Variants in KIF18A observed in about 807,000 individuals in gnomAD.
KIF18A encodes the protein kinesin family member 18A.
Under a neutral mutation model 103.3 loss-of-function variants are expected in KIF18A, and 67 were observed. That is an observed-to-expected ratio of 0.65 (90% CI 0.53 to 0.79). The LOEUF is 0.79. Ranked by LOEUF, KIF18A falls within the 30% of genes least tolerant of loss-of-function variation. KIF18A has a pLI of 0.00. For missense variants in KIF18A, 1,032 were observed against 1,062.5 expected (o/e 0.97, Z 0.40); for synonymous variants, 367 against 355.5 (o/e 1.03, Z -0.36).
chr11:28,046,433 A>G (rs952411598), intron 13 of KIF18A, among the ~76,000 whole-genome samples: 1 of 147,884 alleles, frequency 6.8e-6, no homozygotes, highest in African/African-American at 2.5e-5. Context: ...ATTCTCAGTA[A>G]ACTATTGCAA....
chr11:28,104,510 C>G (rs960306493), intron 1 of KIF18A, among the ~76,000 whole-genome samples: 1 of 152,178 alleles, frequency 6.6e-6, no homozygotes, highest in African/African-American at 2.4e-5. Context: ...CTTCATTATT[C>G]AGGTCTCTTC....
At chr11:28,073,511 A>G (rs1851050280) in intron 10 of KIF18A, among the ~76,000 whole-genome samples, 2 of 152,146 alleles carry the variant, frequency 1.3e-5, no homozygotes, top group Admixed American at 6.6e-5. Context: ...CTGGGGTTTA[A>G]TATTGGTTCA....
chr11:28,093,209 G>A (rs947276511), intron 3 of KIF18A, among the ~76,000 whole-genome samples: 1 of 152,014 alleles, frequency 6.6e-6, no homozygotes, highest in Non-Finnish European at 1.5e-5. Flanking sequence ...AGGATCTAAG[G>A]AAAAAATAAT....
chr11:28,090,449 A>T (rs928930219), intron 5 of KIF18A, among the ~76,000 whole-genome samples, 168 bp downstream of exon 5: 5 of 152,216 alleles, frequency 3.3e-5, no homozygotes, highest in Non-Finnish European at 2.9e-5. Flanking sequence ...AAGCATCTCA[A>T]TTATAAATAC....
chr11:28,066,190 A>G (rs1051375525), intron 11 of KIF18A, among the ~76,000 whole-genome samples: 2 of 152,038 alleles, frequency 1.3e-5, no homozygotes, highest in African/African-American at 2.4e-5. Context: ...TGACTGCTTT[A>G]GATATACAGT....
At chr11:28,091,149 A>ATAC (rs1554974427) in intron 4 of KIF18A, among the ~76,000 whole-genome samples, 17,508 of 131,698 alleles carry the variant, frequency 0.13, 1,362 homozygotes, top group Non-Finnish European at 0.17. Context: ...TAAATAAATA[A>ATAC]ATACATACAT....
At chr11:28,061,715 T>C (rs781245687) in intron 12 of KIF18A, among the ~76,000 whole-genome samples, 3 of 152,142 alleles carry the variant, frequency 2.0e-5, no homozygotes, top group Non-Finnish European at 4.4e-5. Flanking sequence ...ATCAGTTATT[T>C]GAGCATACCA....
At chr11:28,074,549 A>G (rs1851064533) in intron 10 of KIF18A, among the ~76,000 whole-genome samples, 2 of 152,156 alleles carry the variant, frequency 1.3e-5, no homozygotes, top group Non-Finnish European at 2.9e-5. Flanking sequence ...ACTAATTTTG[A>G]TAATATAGTT....
Position 28,035,453 on chromosome 11 carries a change from A to T in KIF18A, c.2438T>A (p.Val813Glu). The change falls in exon 15 of 17, where the codon GTA becomes GAA. Residue 813 changes from valine (V) to glutamate (E), a missense_variant. Val to Glu is a moderately radical substitution (Grantham distance 121). Coordinates refer to ENST00000263181, the MANE Select transcript of KIF18A (RefSeq NM_031217.4). ...SSFSTKHSMP[V>E]PSMVPSYMAM... is the part of the protein sequence containing the mutation. ...CATGTAGGATGGCACCATGCTTGGT[A>T]CAGGCATAGAATGCTTAGTTGAGAA... 1 of 1,603,576 alleles carries T rather than the reference A, an allele frequency of 6.2e-7. No individual in the cohort carries two copies. The highest frequency in any genetic ancestry group is 8.5e-7 in the Non-Finnish European group (1 of 1,174,108).
chr11:28,046,098 A>G (rs1850629094), intron 13 of KIF18A, among the ~76,000 whole-genome samples: 1 of 151,342 alleles, frequency 6.6e-6, no homozygotes, highest in Non-Finnish European at 1.5e-5. Flanking sequence ...TGTTGGTGGG[A>G]CTGTCAACTA....
At chr11:28,094,044 A>G (rs1311358021) in intron 3 of KIF18A, among the ~76,000 whole-genome samples, 1 of 152,204 alleles carries the variant, frequency 6.6e-6, no homozygotes, top group Non-Finnish European at 1.5e-5. Flanking sequence ...AGAAGTGAAC[A>G]TCACTTTGCT....
At position 28,021,147 on chromosome 11, in the gene KIF18A, A is replaced by C. The variant is rs1590654428; in HGVS notation, c.*53T>G. 7.0e-7 allele frequency: 1 copy of C among 1,422,878 alleles called. No individual in the cohort carries two copies. The highest frequency in any genetic ancestry group is 2.9e-5 in the East Asian group (1 of 34,726). The allele number at this position is 1,422,878 out of a possible 1,614,324, so 88.1% of individuals were successfully genotyped here. ...AATATATTTTTGAAAGGGTATTGAT[A>C]AACTTTGAAAAGCAGATTTGATCAA... On this transcript the variant is annotated 3_prime_UTR_variant, in exon 17 of 17. Coordinates refer to ENST00000263181, the MANE Select transcript of KIF18A (RefSeq NM_031217.4).
chr11:28,097,954 T>C lies in KIF18A; in HGVS notation c.-7A>G. ...CTTCCTCAGTGACAGACATTGTTGA[T>C]TATCTTGATTCCTATCTGTATAAAT... is the stretch of plus-strand genomic sequence containing the variant. On this transcript the variant is annotated 5_prime_UTR_variant, in exon 2 of 17. Transcript: ENST00000263181. 1.3e-6 allele frequency: 2 copies of C among 1,539,976 alleles called. No homozygotes were observed. The highest frequency in any genetic ancestry group is 2.3e-5 in the East Asian group (1 of 44,250).
intron 15 of KIF18A, among the ~76,000 whole-genome samples, chr11:28,024,748 T>C (rs990339145): frequency 6.6e-6 from 1 of 152,030 alleles, no homozygotes; most frequent in Non-Finnish European, 1.5e-5. Flanking sequence ...GGATCAATTT[T>C]TAACAGGTAG....
intron 6 of KIF18A, 133 bp downstream of exon 6, chr11:28,088,391 T>C (rs1286226673): frequency 1.4e-6 from 1 of 706,232 alleles, no homozygotes; most frequent in Non-Finnish European, 2.4e-6. Flanking sequence ...CTTTGATCTA[T>C]ATATTAACAT....
At chr11:28,107,059 T>C (rs887938771) in intron 1 of KIF18A, among the ~76,000 whole-genome samples, 1 of 152,240 alleles carries the variant, frequency 6.6e-6, no homozygotes, top group Non-Finnish European at 1.5e-5. Flanking sequence ...TGATTGTGCT[T>C]TGTAGATAAT....
At chr11:28,049,678 G>C (rs1412023341) in intron 13 of KIF18A, among the ~76,000 whole-genome samples, 1 of 151,680 alleles carries the variant, frequency 6.6e-6, no homozygotes, top group East Asian at 1.9e-4. Context: ...CTGGGAAACT[G>C]TGCTAAATCA....
intron 13 of KIF18A, among the ~76,000 whole-genome samples, chr11:28,057,931 G>T (rs567128329): frequency 8.5e-5 from 13 of 152,178 alleles, no homozygotes; most frequent in Non-Finnish European, 1.3e-4. Context: ...AAAGTTGCAG[G>T]TCACTATGTG....
intron 3 of KIF18A, among the ~76,000 whole-genome samples, chr11:28,091,841 G>T (rs932905091): frequency 6.6e-6 from 1 of 151,778 alleles, no homozygotes; most frequent in African/African-American, 2.4e-5. Context: ...TTTTTGAGAC[G>T]GAGTCTCGCT....
Sources: allele counts gnomAD v4.1 joint callset (sites outside exome capture counted in the v4.1 genomes callset), GRCh38; gene constraint gnomAD v4.1.1; transcripts MANE v1.5; gene names NCBI Gene and HGNC (gene_info 2026-07-23, HGNC 2026-07-21).